The following GHSR variants were observed in gnomAD, a reference collection of about 807,000 sequenced individuals.
GHSR encodes the protein growth hormone secretagogue receptor type 1.
In GHSR, 17 loss-of-function variants were observed where a neutral mutation model predicts 24.0. The ratio of observed to expected loss-of-function variants is 0.71; its 90% CI spans 0.49 to 1.06. GHSR has a LOEUF of 1.06. Ranked by LOEUF, GHSR falls within the 50% of genes least tolerant of loss-of-function variation. The pLI, the probability that GHSR is intolerant of heterozygous loss-of-function variation, is 0.00. For missense variants in GHSR, 504 were observed against 483.1 expected (o/e 1.04, Z -0.41); for synonymous variants, 238 against 208.1 (o/e 1.14, Z -1.24).
Position 172,444,123 on chromosome 3 carries a change from A to C in GHSR, c.*1038T>G, listed in dbSNP as rs1044504290. 2.0e-5 allele frequency among the ~76,000 whole-genome samples: 3 copies of C among 152,178 alleles called. No homozygotes were observed. In the East Asian group the frequency reaches 5.8e-4, roughly 29 times the overall value. On this transcript the variant is annotated 3_prime_UTR_variant, in exon 2 of 2. Transcript: ENST00000241256. ...TTGTTTTAAAAAGTTTCATTTCCTG[A>C]ATATTAACACATGCAACTCAACTTA... is the stretch of plus-strand genomic sequence containing the variant.
rs1737426064 is a variant in GHSR at position 172,445,116 on chromosome 3, C to T, written c.*45G>A. ...CCCAAGTTCTGCTGTGCTATGTCTT[C>T]CGGTTTAGAGTAATAAGCGGTGACT... On this transcript the variant is annotated 3_prime_UTR_variant, in exon 2 of 2. Transcript: ENST00000241256. The T allele has an allele frequency of 6.2e-7, 1 of 1,605,196 alleles. No homozygotes were observed. Among genetic ancestry groups the T allele is most frequent in the Non-Finnish European group, 8.5e-7 (1 of 1,172,488 alleles).
intron 1 of GHSR, among the ~76,000 whole-genome samples, chr3:172,446,799 A>C (rs1309648868): frequency 2.0e-5 from 3 of 152,186 alleles, no homozygotes; most frequent in Non-Finnish European, 2.9e-5. Flanking sequence ...GGAAGTAGTG[A>C]ATTCTGTTGG....
rs1485413231 is a variant in GHSR at position 172,443,464 on chromosome 3, C to T, written c.*1697G>A. On this transcript the variant is annotated 3_prime_UTR_variant, in exon 2 of 2. Coordinates refer to ENST00000241256, the MANE Select transcript of GHSR (RefSeq NM_198407.2). The stretch of plus-strand genomic sequence containing the variant: ...GATGTTTCCAAACTAAATAATCAAT[C>T]GATTATTTCATCATGATTATCTTTC... 2.6e-5 allele frequency among the ~76,000 whole-genome samples: 4 copies of T among 151,856 alleles called. No homozygotes were observed. The highest frequency in any genetic ancestry group is 5.9e-5 in the Non-Finnish European group (4 of 67,964).
rs1560128743 is a variant in GHSR at position 172,445,433 on chromosome 3, GC to G, written c.828del (p.Trp276CysfsTer6). The G allele has an allele frequency of 8.1e-6, 13 of 1,613,396 alleles. No homozygotes were observed. Among genetic ancestry groups the G allele is most frequent in the Non-Finnish European group, 1.0e-5 (12 of 1,179,960 alleles). ...AAATATCGCCCTACGTGGAAGGGGA[GC>G]CAGCAGAGGATGAAGGCAAACACCA... Reference protein sequence around the residue: ...AVVVFAFILCWLPFHVGRYLF... With the variant: ...AVVVFAFILCXLPFHVGRYLF... On this transcript the variant is annotated frameshift_variant, in exon 2 of 2. Coordinates refer to ENST00000241256, the MANE Select transcript of GHSR (RefSeq NM_198407.2). LOFTEE classifies it high-confidence loss of function.
Position 172,445,121 on chromosome 3 carries a change from T to A in GHSR, c.*40A>T. ...GTTCTGCTGTGCTATGTCTTCCGGT[T>A]TAGAGTAATAAGCGGTGACTGTACT... is the stretch of plus-strand genomic sequence containing the variant. On this transcript the variant is annotated 3_prime_UTR_variant, in exon 2 of 2. Coordinates refer to ENST00000241256, the MANE Select transcript of GHSR (RefSeq NM_198407.2). The A allele has an allele frequency of 6.2e-7, 1 of 1,608,560 alleles. No individual in the cohort carries two copies. The highest frequency in any genetic ancestry group is 8.5e-7 in the Non-Finnish European group (1 of 1,175,294).
At position 172,447,833 on chromosome 3, in the gene GHSR, T is replaced by C. The variant is rs1737510645; in HGVS notation, c.581A>G (p.Asp194Gly). The change falls in exon 1 of 2, where the codon GAC becomes GGC. Residue 194 changes from aspartate (D) to glycine (G), a missense_variant. Coordinates refer to ENST00000241256, the MANE Select transcript of GHSR (RefSeq NM_198407.2). ...CTCGGTGGGGCGGCACTCGTTGGTG[T>C]CCCAAGGGTCGGTGCCGTTCTCGTG... is the stretch of plus-strand genomic sequence containing the variant. ...VEHENGTDPWDTNECRPTEFA... is the reference protein window; with the variant it reads ...VEHENGTDPWGTNECRPTEFA... 1 of 1,613,832 alleles carries C rather than the reference T, an allele frequency of 6.2e-7. No individual in the cohort carries two copies. Among genetic ancestry groups the C allele is most frequent in the Non-Finnish European group, 8.5e-7 (1 of 1,179,994 alleles).
rs199925532 is a variant in GHSR at position 172,447,890 on chromosome 3, G to C, written c.524C>G (p.Ala175Gly). ...CCCGACTAGCACGAAGATGGGCCCG[G>C]CGCTGCAGAAGGCCACGGCCCAGAT... ...FVIWAVAFCS[A>G]GPIFVLVGVE... Residue 175 changes from alanine (A) to glycine (G), a missense_variant, in exon 1 of 2, where the codon GCC (alanine) becomes GGC (glycine). By Grantham distance (60) the Ala-to-Gly change is moderately conservative. Coordinates refer to ENST00000241256, the MANE Select transcript of GHSR (RefSeq NM_198407.2). 44 of 1,613,052 alleles carry C rather than the reference G, an allele frequency of 2.7e-5. No homozygotes were observed. Among genetic ancestry groups the C allele is most frequent in the Non-Finnish European group, 3.6e-5 (42 of 1,179,252 alleles).
rs200820156 is a variant in GHSR, at chr3:172,448,182, T to C, written c.232A>G (p.Thr78Ala). 1.9e-6 allele frequency: 3 copies of C among 1,613,838 alleles called. No individual in the cohort carries two copies. In the Admixed American group the frequency reaches 5.0e-5, roughly 27 times the overall value. ...GCCATGCTGGACAGGTAGAGGTTGGTGGTGGTGCGCAGCTCGCGGAAGCGC... is the reference window on the plus strand; with the variant it reads ...GCCATGCTGGACAGGTAGAGGTTGGCGGTGGTGCGCAGCTCGCGGAAGCGC... ...VSRFRELRTT[T>A]NLYLSSMAFS... Residue 78 changes from threonine (T) to alanine (A), a missense_variant, in exon 1 of 2, where the codon ACC becomes GCC. Transcript: ENST00000241256. The surrounding 1 kb of genome is among the most constrained non-coding windows in gnomAD (Gnocchi z 4.8).
At chr3:172,447,467 A>G in intron 1 of GHSR, 151 bp downstream of exon 1, 2 of 1,474,598 alleles carry the variant, frequency 1.4e-6, no homozygotes, top group Non-Finnish European at 1.8e-6. Flanking sequence ...AGAATAATTG[A>G]GAGAAACGCA....
intron 1 of GHSR, chr3:172,447,398 GA>G: frequency 2.2e-6 from 2 of 908,850 alleles, no homozygotes; most frequent in Non-Finnish European, 3.2e-6. Context: ...GAGAGAGAGA[GA>G]CAGAGACAGA....
chr3:172,445,396 G>T lies in GHSR; in HGVS notation c.866C>A (p.Ser289Tyr), dbSNP rs750378561. ...AATCTCCAAGGAGCCAGGCTCAAAG[G>T]ATTTGGAAAATAAATATCGCCCTAC... ...FHVGRYLFSK[S>Y]FEPGSLEIAQ... Residue 289 changes from serine to tyrosine, a missense_variant, in exon 2 of 2, where the codon TCC becomes TAC. Physicochemically the swap from Ser to Tyr is moderately radical, Grantham distance 144. Coordinates refer to ENST00000241256, the MANE Select transcript of GHSR (RefSeq NM_198407.2). The T allele has an allele frequency of 3.7e-6, 6 of 1,614,044 alleles. No homozygotes were observed. The East Asian group carries it at 1.3e-4, about 36-fold the overall frequency.
Position 172,448,224 on chromosome 3 carries a change from TG to T in GHSR, c.189del (p.Thr64ProfsTer74). On this transcript the variant is annotated frameshift_variant, in exon 1 of 2. Transcript: ENST00000241256. LOFTEE classifies it high-confidence loss of function. This position sits in a 1 kb window ranked among gnomAD's most constrained non-coding sequence, Gnocchi z 4.8. Reference sequence around the variant, plus strand: ...CGGAAGCGCGACACCACCAGCATGGTGAGCAGGTTGCCAGCGATGCCCACCA... The same window carrying T: ...CGGAAGCGCGACACCACCAGCATGGTAGCAGGTTGCCAGCGATGCCCACCA... ...LFVVGIAGNL[L>X]TMLVVSRFRE... is the part of the protein sequence containing the mutation. 5.0e-6 allele frequency: 8 copies of T among 1,614,052 alleles called. No individual in the cohort carries two copies. Among genetic ancestry groups the T allele is most frequent in the Non-Finnish European group, 5.9e-6 (7 of 1,180,002 alleles).
At chr3:172,447,527 G>C in intron 1 of GHSR, 91 bp downstream of exon 1, 12 of 1,565,622 alleles carry the variant, frequency 7.7e-6, no homozygotes, top group South Asian at 1.2e-5. Flanking sequence ...GACTCAGGGG[G>C]AAATAGAGAT....
At chr3:172,445,532 A>G (rs1737439847) in intron 1 of GHSR, 67 bp from the exon 2 acceptor site, 2 of 1,496,308 alleles carry the variant, frequency 1.3e-6, no homozygotes, top group Non-Finnish European at 1.8e-6. Context: ...TTCTATTTTT[A>G]AGACTTTGTT....
chr3:172,447,525 G>A (rs1377079629), intron 1 of GHSR, 93 bp downstream of exon 1: 1 of 1,563,662 alleles, frequency 6.4e-7, no homozygotes, highest in South Asian at 1.2e-5. Flanking sequence ...GCGACTCAGG[G>A]GGAAATAGAG....
In GHSR at chr3:172,448,304, AGCT is replaced by A. The variant is rs754896970; in HGVS notation, c.107_109del (p.Gln36del). ...GCCCGCCAGCAGCGGCGCGGGGAAG[AGCT>A]GCAGCAGCTCGTCGCCCAGCGAGTC... is the stretch of plus-strand genomic sequence containing the variant. On this transcript the variant is annotated inframe_deletion, in exon 1 of 2. Coordinates refer to ENST00000241256, the MANE Select transcript of GHSR (RefSeq NM_198407.2). This position sits in a 1 kb window ranked among gnomAD's most constrained non-coding sequence, Gnocchi z 4.8. 3.8e-5 allele frequency: 61 copies of A among 1,610,976 alleles called. No homozygotes were observed. The East Asian group carries it at 1.4e-3, about 36-fold the overall frequency.
Position 172,445,229 on chromosome 3 carries a change from G to T in GHSR, c.1033C>A (p.Gln345Lys), listed in dbSNP as rs547944988. 9 of 1,614,088 alleles carry T rather than the reference G, an allele frequency of 5.6e-6. No homozygotes were observed. The African/African-American group carries it at 6.7e-5, about 12-fold the overall frequency. The change falls in exon 2 of 2, where the codon CAG (glutamine) becomes AAG (lysine). Residue 345 changes from glutamine to lysine, a missense_variant. Coordinates refer to ENST00000241256, the MANE Select transcript of GHSR (RefSeq NM_198407.2). ...TCTTTCAGAGTGGAGAGCTTTCTCT[G>T]GGAGAAGGGTTCGAATCCCAGAAGT... ...FRLLGFEPFS[Q>K]RKLSTLKDES...
At chr3:172,447,529 AATAGAG>A (rs1053192966) in intron 1 of GHSR, 83 bp downstream of exon 1, 1 of 1,566,952 alleles carries the variant, frequency 6.4e-7, no homozygotes, top group African/African-American at 1.4e-5. Context: ...CTCAGGGGGA[AATAGAG>A]ATGGAGACTC....
rs764186131 is a variant in GHSR, at chr3:172,445,477, A to G, written c.797-12T>C. On this transcript the variant is annotated splice_polypyrimidine_tract_variant and intron_variant, in intron 1 of 1. Coordinates refer to ENST00000241256, the MANE Select transcript of GHSR (RefSeq NM_198407.2). ...AAACACCACTACAGCTAAAAGGACA[A>G]TGGGAGAGAGATAGTCAGCTCAAGA... The G allele has an allele frequency of 5.6e-6, 9 of 1,608,752 alleles. No homozygotes were observed. The South Asian group carries it at 7.7e-5, about 14-fold the overall frequency.
Sources: allele counts gnomAD v4.1 joint callset (sites outside exome capture counted in the v4.1 genomes callset), GRCh38; gene constraint gnomAD v4.1.1; non-coding constraint Gnocchi (gnomAD v3.1); transcripts MANE v1.5; gene names NCBI Gene and HGNC (gene_info 2026-07-23, HGNC 2026-07-21).